The following AUH variants were observed in gnomAD, a reference collection of about 807,000 sequenced individuals.
AUH encodes AU RNA binding methylglutaconyl-CoA hydratase.
AUH carries 29 observed loss-of-function variants against 42.3 expected under a neutral mutation model. The observed-to-expected ratio is 0.69, with a 90% confidence interval of 0.51 to 0.93. The LOEUF (loss-of-function observed/expected upper bound fraction) is 0.93, where lower values mean the gene tolerates loss of function less well. AUH is among the 40% of genes least tolerant of loss of function. The pLI is 0.00. For synonymous variants in AUH, 174 were observed against 166.4 expected (o/e 1.05, Z -0.35); for missense variants, 452 against 438.1 (o/e 1.03, Z -0.28).
intron 6 of AUH, among the ~76,000 whole-genome samples, chr9:91,283,291 A>C (rs1244842122): frequency 1.3e-5 from 2 of 152,178 alleles, no homozygotes; most frequent in Non-Finnish European, 2.9e-5. Flanking sequence ...TCAATAAATT[A>C]GGTATTGATG....
intron 3 of AUH, among the ~76,000 whole-genome samples, chr9:91,334,507 T>A (rs1007595918): frequency 2.6e-5 from 4 of 152,216 alleles, no homozygotes; most frequent in Non-Finnish European, 5.9e-5. Flanking sequence ...CTCCCATGAA[T>A]CTCAGGCCTT....
intron 1 of AUH, among the ~76,000 whole-genome samples, chr9:91,357,694 G>A (rs1832529965): frequency 6.6e-6 from 1 of 152,132 alleles, no homozygotes; most frequent in Non-Finnish European, 1.5e-5. Flanking sequence ...GACAGTGAAG[G>A]TTAGAAGGAT....
intron 6 of AUH, among the ~76,000 whole-genome samples, chr9:91,284,390 G>T (rs931949308): frequency 2.6e-5 from 4 of 152,090 alleles, no homozygotes; most frequent in Non-Finnish European, 5.9e-5. Flanking sequence ...TACCATTCAG[G>T]ATACAGGCAT....
At chr9:91,241,026 C>G (rs889620244) in intron 6 of AUH, among the ~76,000 whole-genome samples, 2 of 152,130 alleles carry the variant, frequency 1.3e-5, no homozygotes, top group Admixed American at 6.5e-5. Context: ...CTGGGTCACA[C>G]AAAAGTGACC....
At chr9:91,327,156 C>G (rs1830015740) in intron 3 of AUH, among the ~76,000 whole-genome samples, 1 of 152,170 alleles carries the variant, frequency 6.6e-6, no homozygotes, top group Non-Finnish European at 1.5e-5. Context: ...AGCTATCCAT[C>G]CAGGACTTGA....
intron 4 of AUH, 110 bp from the exon 5 acceptor site, chr9:91,298,186 CAG>C: frequency 2.5e-6 from 2 of 808,304 alleles, no homozygotes; most frequent in Non-Finnish European, 4.2e-6. Flanking sequence ...AGATCATATA[CAG>C]ACTTTTGTAT....
chr9:91,216,850 G>A (rs186529288), intron 8 of AUH, among the ~76,000 whole-genome samples: 4 of 152,312 alleles, frequency 2.6e-5, no homozygotes, highest in Middle Eastern at 3.4e-3. Context: ...CCTGCATTGC[G>A]TGTGCCTCCT....
intron 6 of AUH, among the ~76,000 whole-genome samples, chr9:91,221,557 G>A (rs974875290): frequency 6.6e-5 from 10 of 152,016 alleles, no homozygotes; most frequent in Admixed American, 1.3e-4. Flanking sequence ...GGTCATCTCC[G>A]TTAGCTCTTC....
intron 3 of AUH, among the ~76,000 whole-genome samples, chr9:91,327,659 C>T (rs1421557700): frequency 2.6e-5 from 4 of 152,176 alleles, no homozygotes; most frequent in Admixed American, 6.5e-5. Context: ...GAGCTGCAGG[C>T]GACAGGAATG....
chr9:91,323,935 T>C (rs549166108), intron 4 of AUH, among the ~76,000 whole-genome samples: 1 of 152,122 alleles, frequency 6.6e-6, no homozygotes, highest in Non-Finnish European at 1.5e-5. Flanking sequence ...TTTTCCTCTT[T>C]GCCTTAAAAA....
chr9:91,350,954 T>C (rs554308655), intron 3 of AUH, among the ~76,000 whole-genome samples: 1 of 152,118 alleles, frequency 6.6e-6, no homozygotes. Context: ...AGAAAAAATA[T>C]CACCTTTAAT....
chr9:91,270,742 G>A (rs1825056993), intron 6 of AUH, among the ~76,000 whole-genome samples: 1 of 151,942 alleles, frequency 6.6e-6, no homozygotes, highest in African/African-American at 2.4e-5. Flanking sequence ...ACCAAACAAG[G>A]TAGCAATGCA....
At chr9:91,335,341 A>T (rs1189669706) in intron 3 of AUH, among the ~76,000 whole-genome samples, 1 of 81,270 alleles carries the variant, frequency 1.2e-5, no homozygotes, top group Non-Finnish European at 2.0e-5. Flanking sequence ...TAAAATCTTG[A>T]CTTTATTGCA....
intron 6 of AUH, among the ~76,000 whole-genome samples, chr9:91,283,609 C>A (rs1256682395): frequency 6.6e-6 from 1 of 151,490 alleles, no homozygotes; most frequent in Non-Finnish European, 1.5e-5. Context: ...GCAACTTCAG[C>A]AAAGTCTCAG....
intron 5 of AUH, among the ~76,000 whole-genome samples, chr9:91,297,371 C>T (rs1827430039): frequency 6.9e-6 from 1 of 144,622 alleles, no homozygotes; most frequent in Non-Finnish European, 1.5e-5. Context: ...TTTCTATTCA[C>T]CTCATAAGAT....
chr9:91,355,939 T>C lies in AUH; in HGVS notation c.362A>G (p.Asp121Gly), dbSNP rs1253416616. The C allele has an allele frequency of 1.9e-6, 3 of 1,613,414 alleles. No individual in the cohort carries two copies. Among genetic ancestry groups the C allele is most frequent in the Non-Finnish European group, 2.5e-6 (3 of 1,179,740 alleles). ...LSKAVDALKS[D>G]KKVRTIIIRS... is the part of the protein sequence containing the mutation. ...GATTATTATGGTCCGTACTTTCTTATCAGATTTCAAAGCATCCACAGCTTT... is the reference window on the plus strand; with the variant it reads ...GATTATTATGGTCCGTACTTTCTTACCAGATTTCAAAGCATCCACAGCTTT... The change falls in exon 3 of 10, where the codon GAT becomes GGT. Residue 121 changes from aspartate to glycine, a missense_variant. Transcript: ENST00000375731.
rs577623852 is a variant in AUH, at chr9:91,233,617, G to T, written c.656-12625C>A. On this transcript the variant is annotated intron_variant, in intron 6 of 9. Transcript: ENST00000375731. Reference sequence around the variant, plus strand: ...CAGGAATGCGTATGCCATAAACAATGTGTATATTCAGGGAGATAAAGGAAG... The same window carrying T: ...CAGGAATGCGTATGCCATAAACAATTTGTATATTCAGGGAGATAAAGGAAG... Among the ~76,000 whole-genome samples the T allele has an allele frequency of 1.2e-4, 19 of 152,298 alleles. 1 individual carries two copies. The highest frequency in any genetic ancestry group is 2.4e-4 in the Non-Finnish European group (16 of 68,022).
chr9:91,219,024 G>A lies in AUH; in HGVS notation c.844-1697C>T, dbSNP rs190812502. On this transcript the variant is annotated intron_variant, in intron 7 of 9. Transcript: ENST00000375731. ...TGTCCTTCCAATGAAAGGTGACAAAGGCACATGCACAGGGACTGTGATGAC... is the reference window on the plus strand; with the variant it reads ...TGTCCTTCCAATGAAAGGTGACAAAAGCACATGCACAGGGACTGTGATGAC... 3.0e-4 allele frequency: 300 copies of A among 985,440 alleles called. 1 individual carries two copies. The African/African-American group carries it at 4.7e-3, about 15-fold the overall frequency. 61.0% of individuals were successfully genotyped at this position (985,440 alleles called of 1,614,324 possible).
chr9:91,217,261 G>A lies in AUH; in HGVS notation c.894+16C>T. On this transcript the variant is annotated intron_variant, in intron 8 of 9. Transcript: ENST00000375731. The stretch of plus-strand genomic sequence containing the variant: ...CTCTCCATTCCCAAAACAAACTCAA[G>A]CATTAAGGAACCTACCTCCATCCCT... 1 of 1,611,062 alleles carries A rather than the reference G, an allele frequency of 6.2e-7. No individual in the cohort carries two copies. The highest frequency in any genetic ancestry group is 8.5e-7 in the Non-Finnish European group (1 of 1,177,438).
Sources: gnomAD v4.1 joint callset for allele counts (sites outside exome capture counted in the v4.1 genomes callset) on GRCh38, gnomAD v4.1.1 for gene constraint, MANE v1.5 for transcripts, NCBI Gene and HGNC (gene_info 2026-07-23, HGNC 2026-07-21) for gene names.